NRXN3: variants seen among roughly 807,000 people sequenced by gnomAD.
NRXN3 encodes the protein neurexin 3, also known as neurexin III.
NRXN3 carries 32 observed loss-of-function variants against 137.6 expected under a neutral mutation model. The ratio of observed to expected loss-of-function variants is 0.23; its 90% CI spans 0.18 to 0.31. The LOEUF is 0.31. Ranked by LOEUF, NRXN3 falls within the 10% of genes least tolerant of loss-of-function variation. The pLI is 1.00. For missense variants in NRXN3, 1,574 were observed against 2,062.5 expected (o/e 0.76, Z 4.59); for synonymous variants, 798 against 784.5 (o/e 1.02, Z -0.29).
chr14:79,235,609 G>C (rs147258007), intron 15 of NRXN3, among the ~76,000 whole-genome samples: 122 of 152,144 alleles, frequency 8.0e-4, no homozygotes, highest in African/African-American at 2.6e-3. Context: ...TCTCTCTACA[G>C]TTAGGACATT....
intron 15 of NRXN3, among the ~76,000 whole-genome samples, chr14:79,054,874 G>A (rs2099654221): frequency 6.6e-6 from 1 of 152,192 alleles, no homozygotes; most frequent in Non-Finnish European, 1.5e-5. Flanking sequence ...TACTGGAATA[G>A]AAGAGAAAAT....
intron 15 of NRXN3, among the ~76,000 whole-genome samples, chr14:79,210,362 C>T (rs2067463345): frequency 6.6e-6 from 1 of 152,086 alleles, no homozygotes; most frequent in African/African-American, 2.4e-5. Context: ...GTAACTGGCA[C>T]GTAGGAAGCA....
At chr14:79,027,945 C>T (rs1347686091) in intron 15 of NRXN3, among the ~76,000 whole-genome samples, 6 of 152,108 alleles carry the variant, frequency 3.9e-5, no homozygotes, top group Non-Finnish European at 7.4e-5. Flanking sequence ...TGCTTACTAG[C>T]TGTGTGGCCT....
chr14:79,756,255 A>G (rs574100823), intron 19 of NRXN3, among the ~76,000 whole-genome samples: 1 of 152,284 alleles, frequency 6.6e-6, no homozygotes, highest in East Asian at 1.9e-4. Context: ...TTGGCATTTA[A>G]TTCTCAAACA....
At chr14:78,285,167 A>AG (rs2075001589) in intron 3 of NRXN3, among the ~76,000 whole-genome samples, 1 of 152,196 alleles carries the variant, frequency 6.6e-6, no homozygotes, top group South Asian at 2.1e-4. Flanking sequence ...CATCTGACTG[A>AG]GATACCTTGG....
At chr14:79,370,277 A>C (rs767013061) in intron 15 of NRXN3, among the ~76,000 whole-genome samples, 1 of 151,678 alleles carries the variant, frequency 6.6e-6, no homozygotes, top group Non-Finnish European at 1.5e-5. Flanking sequence ...CAACCAGCTA[A>C]AGTTTATCGG....
intron 16 of NRXN3, among the ~76,000 whole-genome samples, chr14:79,518,931 T>C (rs945567897): frequency 6.6e-5 from 10 of 152,202 alleles, no homozygotes; most frequent in African/African-American, 2.4e-4. Flanking sequence ...AATATAGAAC[T>C]AGATCCTTGT....
chr14:78,957,456 C>A (rs2099399003), intron 11 of NRXN3, 95 bp downstream of exon 11: 10 of 1,393,888 alleles, frequency 7.2e-6, no homozygotes, highest in Non-Finnish European at 8.8e-6. Context: ...TTTTATTTTG[C>A]ATAGTAGAAG....
chr14:79,225,337 T>C (rs1376666746), intron 15 of NRXN3, among the ~76,000 whole-genome samples: 1 of 152,116 alleles, frequency 6.6e-6, no homozygotes, highest in Non-Finnish European at 1.5e-5. Context: ...GAAGCAACTC[T>C]CCCTGATCAC....
chr14:79,185,137 ATTTC>A lies in NRXN3; in HGVS notation c.3262+196999_3262+197002del, dbSNP rs1287161829. On this transcript the variant is annotated intron_variant, in intron 15 of 20. Transcript: ENST00000335750. Reference sequence around the variant, plus strand: ...AGCTATTTTTTATTTCTAATAAGCTATTTCTTATTTCTAATAAACTATTTTTTAT... The same window carrying A: ...AGCTATTTTTTATTTCTAATAAGCTATTATTTCTAATAAACTATTTTTTAT... Among the ~76,000 whole-genome samples, 36 of 152,180 alleles carry A rather than the reference ATTTC, an allele frequency of 2.4e-4. 2 individuals carry two copies. The highest frequency in any genetic ancestry group is 2.3e-3 in the Admixed American group (35 of 15,278).
At position 79,171,208 on chromosome 14, in the gene NRXN3, C is replaced by G. The variant is rs117741912; in HGVS notation, c.3262+183067C>G. 3.2e-4 allele frequency among the ~76,000 whole-genome samples: 49 copies of G among 152,126 alleles called. 1 individual carries two copies. The East Asian group carries it at 7.6e-3, about 24-fold the overall frequency. On this transcript the variant is annotated intron_variant, in intron 15 of 20. Coordinates refer to ENST00000335750, the MANE Select transcript of NRXN3 (RefSeq NM_001330195.2). ...TTAATTAAATCTTTACACAAACTCA[C>G]TATTTGGCTGTCCAATGAAGAAGGG...
At chr14:79,086,245 C>T (rs1266861376) in intron 15 of NRXN3, among the ~76,000 whole-genome samples, 1 of 152,050 alleles carries the variant, frequency 6.6e-6, no homozygotes, top group Non-Finnish European at 1.5e-5. Flanking sequence ...GGATAGGGAG[C>T]TGGGGACTCC....
intron 1 of NRXN3, among the ~76,000 whole-genome samples, chr14:78,202,894 G>A (rs2061810145): frequency 1.3e-5 from 2 of 152,162 alleles, no homozygotes; most frequent in Admixed American, 6.5e-5. Flanking sequence ...TTACATATGA[G>A]GACACAGAGG....
intron 10 of NRXN3, among the ~76,000 whole-genome samples, chr14:78,873,208 C>T (rs2099105492): frequency 6.6e-6 from 1 of 152,160 alleles, no homozygotes; most frequent in African/African-American, 2.4e-5. Flanking sequence ...CTGTCAATTA[C>T]CACACATCTA....
chr14:79,143,479 C>G (rs1452285106), intron 15 of NRXN3, among the ~76,000 whole-genome samples: 1 of 152,176 alleles, frequency 6.6e-6, no homozygotes, highest in Non-Finnish European at 1.5e-5. Context: ...GGGAACTGTC[C>G]CAGATTTCAT....
At chr14:78,283,539 G>A (rs1243941338) in intron 3 of NRXN3, among the ~76,000 whole-genome samples, 2 of 147,720 alleles carry the variant, frequency 1.4e-5, no homozygotes, top group Admixed American at 6.8e-5. Context: ...ATGGAGTTTC[G>A]CTCTTGTCAC....
At chr14:78,836,968 C>G (rs1297825531) in intron 10 of NRXN3, among the ~76,000 whole-genome samples, 1 of 152,080 alleles carries the variant, frequency 6.6e-6, no homozygotes, top group Non-Finnish European at 1.5e-5. Flanking sequence ...TCAGTTGCTC[C>G]CTCCTTTGAA....
intron 14 of NRXN3, among the ~76,000 whole-genome samples, chr14:78,987,434 G>A (rs963445495): frequency 1.3e-5 from 2 of 152,112 alleles, no homozygotes; most frequent in Non-Finnish European, 2.9e-5. Context: ...TACCTGGAGA[G>A]CTCAGCAAGA....
intron 20 of NRXN3, among the ~76,000 whole-genome samples, chr14:79,846,024 G>C (rs1363596937): frequency 6.6e-6 from 1 of 152,078 alleles, no homozygotes; most frequent in African/African-American, 2.4e-5. Flanking sequence ...TTATGAGTGT[G>C]GTTCATGGCA....
Sources: allele counts gnomAD v4.1 joint callset (sites outside exome capture counted in the v4.1 genomes callset), GRCh38; gene constraint gnomAD v4.1.1; transcripts MANE v1.5; gene names NCBI Gene and HGNC (gene_info 2026-07-23, HGNC 2026-07-21).